Variants in LRP1B observed in about 807,000 individuals in gnomAD.
LRP1B encodes LDL receptor related protein 1B.
In LRP1B, 217 loss-of-function variants were observed where a neutral mutation model predicts 556.6. The ratio of observed to expected loss-of-function variants is 0.39; its 90% CI spans 0.35 to 0.44. The LOEUF (loss-of-function observed/expected upper bound fraction) is 0.44. Ranked by LOEUF, LRP1B falls within the 20% of genes least tolerant of loss-of-function variation. LRP1B has a pLI of 1.00. For missense variants in LRP1B, 5,053 were observed against 5,620.8 expected, an observed-to-expected ratio of 0.90 and a Z score of 3.23; for synonymous variants, 2,047 against 1,865.8, an observed-to-expected ratio of 1.10 and a Z score of -2.50.
chr2:140,398,745 C>T (rs528117763), intron 66 of LRP1B, among the ~76,000 whole-genome samples: 15 of 152,188 alleles, frequency 9.9e-5, no homozygotes, highest in African/African-American at 3.6e-4. Context: ...AAAACTGTAT[C>T]TCTAATTGAA....
rs1000450985 is a variant in LRP1B at position 140,723,344 on chromosome 2, T to A, written c.5759-6528A>T. Among the ~76,000 whole-genome samples, 10 of 152,210 alleles carry A rather than the reference T, an allele frequency of 6.6e-5. No individual in the cohort carries two copies. In the East Asian group the frequency reaches 1.7e-3, roughly 27 times the overall value. On this transcript the variant is annotated intron_variant, in intron 35 of 90. Coordinates refer to ENST00000389484, the MANE Select transcript of LRP1B (RefSeq NM_018557.3). ...TGGGAACATCAAAAACTTGTAAACA[T>A]CCCTAGTTCATCTTCTTCTTATTAT...
chr2:141,623,118 C>A (rs1222157298), intron 2 of LRP1B, among the ~76,000 whole-genome samples: 3 of 152,098 alleles, frequency 2.0e-5, no homozygotes, highest in Non-Finnish European at 4.4e-5. Context: ...GATACTTTAC[C>A]AACCCATCTA....
chr2:141,657,446 T>C (rs1487532440), intron 2 of LRP1B, among the ~76,000 whole-genome samples: 1 of 152,140 alleles, frequency 6.6e-6, no homozygotes, highest in Admixed American at 6.5e-5. Flanking sequence ...CTATTATGAA[T>C]AGCAATTGCC....
chr2:141,020,848 T>A (rs1698044548), intron 11 of LRP1B, among the ~76,000 whole-genome samples: 1 of 151,924 alleles, frequency 6.6e-6, no homozygotes, highest in African/African-American at 2.4e-5. Context: ...GGCAGTTACT[T>A]ATGGTCTATT....
chr2:140,651,112 C>A (rs1385611595), intron 41 of LRP1B, among the ~76,000 whole-genome samples: 1 of 151,928 alleles, frequency 6.6e-6, no homozygotes, highest in African/African-American at 2.4e-5. Context: ...TTTAACAGTT[C>A]TTTTTCTTCA....
intron 11 of LRP1B, among the ~76,000 whole-genome samples, chr2:141,037,852 A>G (rs13033037): frequency 0.17 from 26,282 of 151,732 alleles, 2,330 homozygotes; most frequent in East Asian, 0.25. Flanking sequence ...CCTTGCAAGC[A>G]CAGACACACA....
In LRP1B at chr2:141,018,962, T is replaced by A. The variant is rs373603809; in HGVS notation, c.1970+960A>T. ...TCACATGCCTCCTATACAATATGTA[T>A]TTTTTGTATGTGTGCAGTAAAGTGT... On this transcript the variant is annotated intron_variant, in intron 12 of 90. Transcript: ENST00000389484. Among the ~76,000 whole-genome samples, 61 of 152,188 alleles carry A rather than the reference T, an allele frequency of 4.0e-4. 1 individual carries two copies. Among genetic ancestry groups the A allele is most frequent in the African/African-American group, 1.4e-3 (60 of 41,578 alleles).
chr2:140,776,031 G>C, intron 33 of LRP1B, 67 bp downstream of exon 33: 1 of 1,246,966 alleles, frequency 8.0e-7, no homozygotes, highest in Non-Finnish European at 1.1e-6. Context: ...GTTGAATTGA[G>C]GAGCTAATAT....
At chr2:141,750,613 T>C (rs753161116) in intron 2 of LRP1B, among the ~76,000 whole-genome samples, 22 of 152,162 alleles carry the variant, frequency 1.4e-4, no homozygotes, top group Admixed American at 6.5e-4. Context: ...CAAAACACCA[T>C]AAATTTCCTC....
intron 1 of LRP1B, among the ~76,000 whole-genome samples, chr2:142,030,182 C>T (rs1393814758): frequency 6.6e-6 from 1 of 151,872 alleles, no homozygotes; most frequent in African/African-American, 2.4e-5. Flanking sequence ...GAATGGCATG[C>T]ATAATGCAGC....
intron 7 of LRP1B, among the ~76,000 whole-genome samples, chr2:141,094,526 G>GGA (rs1166085328): frequency 2.0e-5 from 3 of 152,112 alleles, no homozygotes; most frequent in Admixed American, 2.0e-4. Flanking sequence ...TACACGAGCA[G>GGA]GAGACCAGCA....
At chr2:140,832,464 T>C (rs1691750198) in intron 31 of LRP1B, among the ~76,000 whole-genome samples, 1 of 152,236 alleles carries the variant, frequency 6.6e-6, no homozygotes, top group Non-Finnish European at 1.5e-5. Context: ...CACTAGCATG[T>C]CTATTGCAAC....
At chr2:141,349,594 T>A (rs954187650) in intron 3 of LRP1B, among the ~76,000 whole-genome samples, 1 of 152,120 alleles carries the variant, frequency 6.6e-6, no homozygotes, top group Non-Finnish European at 1.5e-5. Flanking sequence ...CTTATAGACA[T>A]ATTCTCATGC....
At chr2:141,647,725 G>T (rs1413279359) in intron 2 of LRP1B, among the ~76,000 whole-genome samples, 1 of 141,692 alleles carries the variant, frequency 7.1e-6, no homozygotes, top group African/African-American at 2.7e-5. Context: ...TTAAATAAGA[G>T]AGACAAGTAG....
intron 52 of LRP1B, among the ~76,000 whole-genome samples, 192 bp downstream of exon 52, chr2:140,509,736 A>G (rs1164554759): frequency 6.6e-6 from 1 of 152,240 alleles, no homozygotes; most frequent in Admixed American, 6.5e-5. Context: ...TGTTTGAAAC[A>G]TTGAACAGTA....
At chr2:141,320,266 T>C (rs1687188242) in intron 3 of LRP1B, among the ~76,000 whole-genome samples, 1 of 152,092 alleles carries the variant, frequency 6.6e-6, no homozygotes, top group Admixed American at 6.6e-5. Context: ...TCTTACTTCA[T>C]TGTGATTAGT....
intron 31 of LRP1B, 95 bp from the exon 32 acceptor site, chr2:140,813,901 G>T: frequency 1.2e-6 from 1 of 844,718 alleles, no homozygotes; most frequent in East Asian, 2.6e-5. Flanking sequence ...AAAATAAGTT[G>T]AAAGTTCAGA....
chr2:140,909,367 A>G (rs908399606), intron 21 of LRP1B, among the ~76,000 whole-genome samples: 10 of 152,070 alleles, frequency 6.6e-5, no homozygotes, highest in Non-Finnish European at 1.2e-4. Context: ...AAGTCTTATA[A>G]GTAAATTTTA....
At chr2:141,723,669 T>C (rs1440163636) in intron 2 of LRP1B, among the ~76,000 whole-genome samples, 1 of 151,934 alleles carries the variant, frequency 6.6e-6, no homozygotes, top group South Asian at 2.1e-4. Context: ...TTCTTAAAAG[T>C]ATTATTATTT....
Sources: allele counts gnomAD v4.1 joint callset (sites outside exome capture counted in the v4.1 genomes callset), GRCh38; gene constraint gnomAD v4.1.1; transcripts MANE v1.5; gene names NCBI Gene and HGNC (gene_info 2026-07-23, HGNC 2026-07-21).